MACROD2: variants seen among roughly 807,000 people sequenced by gnomAD.
MACROD2 encodes mono-ADP ribosylhydrolase 2, also known as ADP-ribose glycohydrolase MACROD2.
Under a neutral mutation model 70.4 loss-of-function variants are expected in MACROD2, and 36 were observed. The observed-to-expected ratio is 0.51, with a 90% CI of 0.39 to 0.68. MACROD2 has a LOEUF of 0.68. MACROD2 is among the 30% of genes least tolerant of loss of function. MACROD2 has a pLI of 0.00. For missense variants in MACROD2, 496 were observed against 538.4 expected (o/e 0.92, Z 0.78); for synonymous variants, 172 against 178.8 (o/e 0.96, Z 0.30).
At chr20:14,569,734 G>A (rs2423823) in intron 4 of MACROD2, among the ~76,000 whole-genome samples, 103,870 of 151,754 alleles carry the variant, frequency 0.68, 36,792 homozygotes, top group East Asian at 0.93. Context: ...TTATCCAGGA[G>A]CTTAAACTTT....
At chr20:16,014,962 T>C (rs902050068) in intron 15 of MACROD2, among the ~76,000 whole-genome samples, 1 of 152,182 alleles carries the variant, frequency 6.6e-6, no homozygotes, top group African/African-American at 2.4e-5. Context: ...GAAGGCTATA[T>C]CCTAATGGCA....
intron 3 of MACROD2, among the ~76,000 whole-genome samples, chr20:14,257,874 AT>A (rs2082070457): frequency 1.4e-5 from 2 of 143,736 alleles, no homozygotes; most frequent in South Asian, 4.6e-4. Flanking sequence ...GTAGTCTTGT[AT>A]TCCTTGCCCC....
chr20:14,488,593 A>G (rs1238509514), intron 3 of MACROD2, among the ~76,000 whole-genome samples: 1 of 152,144 alleles, frequency 6.6e-6, no homozygotes, highest in East Asian at 1.9e-4. Context: ...GAGGGCTGCA[A>G]TACACACACA....
chr20:15,545,678 A>G (rs890033284), intron 8 of MACROD2, among the ~76,000 whole-genome samples: 3 of 152,196 alleles, frequency 2.0e-5, no homozygotes, highest in Non-Finnish European at 2.9e-5. Context: ...GGACTCGAGG[A>G]TTAGAGAGTT....
At chr20:15,663,231 GATTT>G (rs755844640) in intron 8 of MACROD2, among the ~76,000 whole-genome samples, 4 of 120,632 alleles carry the variant, frequency 3.3e-5, no homozygotes, top group African/African-American at 9.2e-5. Context: ...GTCAGAATTT[GATTT>G]TTTTTTTTTT....
rs1248445328 is a variant in MACROD2 at position 15,918,480 on chromosome 20, C to T, written c.776-14796C>T. 7.2e-5 allele frequency among the ~76,000 whole-genome samples: 11 copies of T among 152,154 alleles called. No homozygotes were observed. The South Asian group carries it at 1.9e-3, about 26-fold the overall frequency. On this transcript the variant is annotated intron_variant, in intron 10 of 17. Coordinates refer to ENST00000684519, the MANE Select transcript of MACROD2 (RefSeq NM_001351661.2). ...TTATGTCACAAGACAGCATTTGTTA[C>T]AATACCATTATTTGGGGGTTTTCAT...
chr20:14,467,696 T>C (rs1031301536), intron 3 of MACROD2, among the ~76,000 whole-genome samples: 5 of 152,098 alleles, frequency 3.3e-5, no homozygotes, highest in Non-Finnish European at 5.9e-5. Context: ...CTTTTAATAG[T>C]GATGTTAGGA....
intron 5 of MACROD2, among the ~76,000 whole-genome samples, chr20:14,911,040 C>G (rs958102789): frequency 1.3e-5 from 2 of 152,068 alleles, no homozygotes; most frequent in Non-Finnish European, 2.9e-5. Context: ...TATTTAGGAA[C>G]AAAAAAGCAT....
At chr20:15,709,139 A>T (rs1379504849) in intron 8 of MACROD2, among the ~76,000 whole-genome samples, 19 of 152,310 alleles carry the variant, frequency 1.2e-4, no homozygotes, top group African/African-American at 3.6e-4. Context: ...ATCCCCACCT[A>T]TAGGAAAAGC....
chr20:14,242,998 A>G (rs2081941758), intron 3 of MACROD2, among the ~76,000 whole-genome samples: 1 of 152,124 alleles, frequency 6.6e-6, no homozygotes, highest in Non-Finnish European at 1.5e-5. Flanking sequence ...ACCTTCTTAA[A>G]CTGAAGAAAC....
chr20:15,613,158 G>A (rs943783015), intron 8 of MACROD2, among the ~76,000 whole-genome samples: 1 of 152,208 alleles, frequency 6.6e-6, no homozygotes, highest in Non-Finnish European at 1.5e-5. Flanking sequence ...TATTAAAATG[G>A]CAGACACAGT....
intron 5 of MACROD2, among the ~76,000 whole-genome samples, chr20:14,978,675 G>A (rs1433030288): frequency 7.1e-6 from 1 of 140,740 alleles, no homozygotes; most frequent in Admixed American, 7.5e-5. Context: ...GATCCCTGTG[G>A]TCCATTTCAT....
chr20:15,334,589 T>A (rs2038267), intron 6 of MACROD2, among the ~76,000 whole-genome samples: 24,240 of 136,982 alleles, frequency 0.18, 2,836 homozygotes, highest in East Asian at 0.47. Context: ...ATGATTTTTT[T>A]TAAAAAAAAA....
chr20:15,242,801 G>A (rs183153301), intron 6 of MACROD2, among the ~76,000 whole-genome samples: 16 of 152,206 alleles, frequency 1.1e-4, no homozygotes, highest in African/African-American at 3.6e-4. Flanking sequence ...TTATTTCACA[G>A]CTACTTTGCC....
At chr20:15,782,920 T>G (rs1186924223) in intron 8 of MACROD2, among the ~76,000 whole-genome samples, 2 of 152,008 alleles carry the variant, frequency 1.3e-5, no homozygotes, top group Admixed American at 6.5e-5. Flanking sequence ...TGTTTTAGGG[T>G]TTTTTTCCCC....
At chr20:14,109,381 T>C (rs2054416766) in intron 3 of MACROD2, among the ~76,000 whole-genome samples, 1 of 151,592 alleles carries the variant, frequency 6.6e-6, no homozygotes, top group African/African-American at 2.4e-5. Flanking sequence ...CCAAAATTAA[T>C]AGAAGAAAGA....
chr20:14,448,226 G>C (rs1224215417), intron 3 of MACROD2, among the ~76,000 whole-genome samples: 1 of 151,982 alleles, frequency 6.6e-6, no homozygotes, highest in African/African-American at 2.4e-5. Flanking sequence ...AGATTCAATT[G>C]CTGTTTAATT....
intron 5 of MACROD2, among the ~76,000 whole-genome samples, chr20:15,033,760 A>G (rs1331295458): frequency 6.6e-6 from 1 of 152,202 alleles, no homozygotes; most frequent in Non-Finnish European, 1.5e-5. Context: ...AAACCTGTCC[A>G]TGTTAGAAAG....
At chr20:15,044,793 T>G (rs1187948460) in intron 5 of MACROD2, among the ~76,000 whole-genome samples, 2 of 151,998 alleles carry the variant, frequency 1.3e-5, no homozygotes, top group Non-Finnish European at 2.9e-5. Context: ...TTGTAAATAG[T>G]CTCTATTAAA....
Sources: allele counts gnomAD v4.1 joint callset (sites outside exome capture counted in the v4.1 genomes callset), GRCh38; gene constraint gnomAD v4.1.1; transcripts MANE v1.5; gene names NCBI Gene and HGNC (gene_info 2026-07-23, HGNC 2026-07-21).